SYNJ1: variants seen among roughly 807,000 people sequenced by gnomAD.
SYNJ1 encodes polyphosphatidylinositol phosphatase SYNJ1.
Under a neutral mutation model 168.2 loss-of-function variants are expected in SYNJ1, and 78 were observed. The ratio of observed to expected loss-of-function variants is 0.46; its 90% confidence interval spans 0.39 to 0.56. SYNJ1 has a LOEUF of 0.56. Among genes scored for constraint, SYNJ1 ranks in the 20% least tolerant of loss-of-function variants. The pLI is 0.00. For synonymous variants in SYNJ1, 539 were observed against 548.6 expected (o/e 0.98, Z 0.24); for missense variants, 1,303 against 1,597.6 (o/e 0.82, Z 3.14).
In SYNJ1 at chr21:32,695,150, A is replaced by C; in HGVS notation, c.612T>G (p.Ile204Met). ...AAHKQAKACL[I>M]SRLSCERAGT... ...CAGCTCGTTCACAGCTTAATCTTGA[A>C]ATGAGGCAAGCCTTCGCCTGTTTAT... The change falls in exon 5 of 33, where the codon ATT becomes ATG. Residue 204 changes from isoleucine (I) to methionine (M), a missense_variant. Around this residue, in one of 2 missense-constraint regions of SYNJ1, gnomAD observed 920 missense variants for 1,208.8 expected, o/e 0.76. Transcript: ENST00000674351. 1 of 1,614,126 alleles carries C rather than the reference A, an allele frequency of 6.2e-7. No homozygotes were observed. The highest frequency in any genetic ancestry group is 1.3e-5 in the African/African-American group (1 of 75,038).
intron 10 of SYNJ1, among the ~76,000 whole-genome samples, 187 bp downstream of exon 10, chr21:32,683,851 A>G (rs1347207242): frequency 6.6e-6 from 1 of 152,182 alleles, no homozygotes; most frequent in African/African-American, 2.4e-5. Context: ...GAGAATATGA[A>G]GATCAGGTAA....
chr21:32,696,738 C>T (rs917120833), intron 4 of SYNJ1, among the ~76,000 whole-genome samples: 1 of 152,142 alleles, frequency 6.6e-6, no homozygotes, highest in Non-Finnish European at 1.5e-5. Context: ...CTGCCAGCCC[C>T]TCAGATTACA....
chr21:32,634,929 A>C (rs745914277), intron 31 of SYNJ1, 45 bp from the exon 32 acceptor site: 1 of 1,608,996 alleles, frequency 6.2e-7, no homozygotes, highest in South Asian at 1.1e-5. Context: ...TTAGGAGGAC[A>C]ATCCGAGATC....
At position 32,631,670 on chromosome 21, in the gene SYNJ1, G is replaced by A; in HGVS notation, c.*135C>T. On this transcript the variant is annotated 3_prime_UTR_variant, in exon 33 of 33. Coordinates refer to ENST00000674351, the MANE Select transcript of SYNJ1 (RefSeq NM_203446.3). ...ACTGAATCAACCTCTTTGGGTCTGG[G>A]GTGGGAACAGGTGACGTTTGAACAG... 1 of 1,614,180 alleles carries A rather than the reference G, an allele frequency of 6.2e-7. No individual in the cohort carries two copies. Among genetic ancestry groups the A allele is most frequent in the Non-Finnish European group, 8.5e-7 (1 of 1,180,034 alleles).
intron 11 of SYNJ1, among the ~76,000 whole-genome samples, chr21:32,680,260 C>T (rs774628939): frequency 6.6e-6 from 1 of 152,042 alleles, no homozygotes; most frequent in African/African-American, 2.4e-5. Flanking sequence ...TTATGAGACA[C>T]AGAAGAGGAA....
chr21:32,664,906 G>A lies in SYNJ1; in HGVS notation c.2304+7C>T. 1.2e-6 allele frequency: 2 copies of A among 1,601,302 alleles called. No individual in the cohort carries two copies. Among genetic ancestry groups the A allele is most frequent in the Non-Finnish European group, 1.7e-6 (2 of 1,172,438 alleles). On this transcript the variant is annotated splice_region_variant and intron_variant, in intron 18 of 32. Transcript: ENST00000674351. The stretch of plus-strand genomic sequence containing the variant: ...TAATGCAAGTATTTTCTCAAGTATA[G>A]ATATACCTGTCCAGCATTTTTCTGA...
At chr21:32,719,323 CG>C (rs567139176) in intron 2 of SYNJ1, among the ~76,000 whole-genome samples, 5 of 152,156 alleles carry the variant, frequency 3.3e-5, no homozygotes, top group Non-Finnish European at 5.9e-5. Context: ...TTAGTGAAAC[CG>C]GGTTTTTGCT....
rs2145660686 is a variant in SYNJ1 at position 32,631,814 on chromosome 21, G to A, written c.*4-13C>T. On this transcript the variant is annotated splice_polypyrimidine_tract_variant and intron_variant, in intron 32 of 32. Coordinates refer to ENST00000674351, the MANE Select transcript of SYNJ1 (RefSeq NM_203446.3). ...CATTTGTTTTTACCTGCAAAAGAAA[G>A]GGAGCACTGAAAAATCAGTTTATAT... 2 of 1,594,156 alleles carry A rather than the reference G, an allele frequency of 1.3e-6. No individual in the cohort carries two copies. The highest frequency in any genetic ancestry group is 2.3e-5 in the South Asian group (2 of 88,480).
intron 2 of SYNJ1, among the ~76,000 whole-genome samples, chr21:32,719,269 G>T (rs1215994678): frequency 6.6e-6 from 1 of 152,218 alleles, no homozygotes; most frequent in Non-Finnish European, 1.5e-5. Context: ...TGAGGTGCTT[G>T]AGTTGTCATA....
chr21:32,638,171 T>C (rs898201202), intron 31 of SYNJ1, among the ~76,000 whole-genome samples: 5 of 152,124 alleles, frequency 3.3e-5, no homozygotes, highest in Admixed American at 6.5e-5. Flanking sequence ...TGGGCTCAAG[T>C]AATCCTCCCA....
rs1363168296 is a variant in SYNJ1 at position 32,673,420 on chromosome 21, C to T, written c.1646G>A (p.Arg549His). The T allele has an allele frequency of 5.0e-6, 8 of 1,613,888 alleles. No homozygotes were observed. Among genetic ancestry groups the T allele is most frequent in the Admixed American group, 1.7e-5 (1 of 59,988 alleles). The change falls in exon 14 of 33, where the codon CGC becomes CAC. Residue 549 changes from arginine to histidine, a missense_variant. Coordinates refer to ENST00000674351, the MANE Select transcript of SYNJ1 (RefSeq NM_203446.3). ...TWNVNGGKQF[R>H]SIAFKNQTLT... ...TGTCTGATTCTTAAAAGCTATGCTG[C>T]GAAATTGCTTCCCACCATTCACATT... is the stretch of plus-strand genomic sequence containing the variant.
At chr21:32,699,718 A>G in intron 4 of SYNJ1, 120 bp downstream of exon 4, 1 of 1,225,390 alleles carries the variant, frequency 8.2e-7, no homozygotes, top group South Asian at 1.6e-5. Context: ...GAAAAGGGGC[A>G]TCGAGGGTCT....
chr21:32,676,454 T>G, intron 12 of SYNJ1, 99 bp from the exon 13 acceptor site: 1 of 1,129,236 alleles, frequency 8.9e-7, no homozygotes, highest in Non-Finnish European at 1.3e-6. Context: ...AAGACCTCAC[T>G]TAAGTCAATT....
intron 18 of SYNJ1, among the ~76,000 whole-genome samples, chr21:32,660,553 T>C (rs1251665567): frequency 2.0e-5 from 3 of 152,248 alleles, no homozygotes; most frequent in Non-Finnish European, 4.4e-5. Context: ...CTGGGAGTTA[T>C]ACATGGACGG....
chr21:32,668,128 G>A (rs1197741009), intron 15 of SYNJ1, among the ~76,000 whole-genome samples: 6 of 151,622 alleles, frequency 4.0e-5, no homozygotes, highest in African/African-American at 1.2e-4. Flanking sequence ...GCGGTGGTGC[G>A]ATCTCCACTC....
At chr21:32,669,740 T>A (rs760012461) in intron 15 of SYNJ1, among the ~76,000 whole-genome samples, 8 of 152,178 alleles carry the variant, frequency 5.3e-5, no homozygotes, top group Non-Finnish European at 1.2e-4. Flanking sequence ...TGGTGTAGTA[T>A]CAGAGAAGAA....
intron 5 of SYNJ1, 124 bp from the exon 6 acceptor site, chr21:32,694,435 C>A: frequency 1.4e-6 from 1 of 698,150 alleles, no homozygotes; most frequent in East Asian, 3.5e-5. Context: ...CTCTCATATA[C>A]AATTGTCCAA....
chr21:32,646,306 C>G, intron 24 of SYNJ1, 87 bp downstream of exon 24: 5 of 1,337,226 alleles, frequency 3.7e-6, no homozygotes, highest in East Asian at 2.3e-5. Flanking sequence ...ACTTTATCAC[C>G]TAGGTATGAA....
chr21:32,633,723 G>A (rs1466872311), intron 32 of SYNJ1, among the ~76,000 whole-genome samples: 1 of 152,184 alleles, frequency 6.6e-6, no homozygotes, highest in African/African-American at 2.4e-5. Context: ...ATGGAAGGAT[G>A]TTCACTTGTA....
Sources: allele counts gnomAD v4.1 joint callset (sites outside exome capture counted in the v4.1 genomes callset), GRCh38; gene constraint gnomAD v4.1.1; regional missense constraint gnomAD v4.1.1; transcripts MANE v1.5; gene names NCBI Gene and HGNC (gene_info 2026-07-23, HGNC 2026-07-21).